METTL6: variants seen among roughly 807,000 people sequenced by gnomAD.
The protein encoded by METTL6 is methyltransferase 6, tRNA N3-cytidine, also known as tRNA N(3)-cytidine methyltransferase METTL6.
METTL6 carries 22 observed loss-of-function variants against 26.4 expected under a neutral mutation model. The ratio of observed to expected loss-of-function variants is 0.83; its 90% CI spans 0.59 to 1.19. METTL6 has a LOEUF of 1.19. METTL6 is among the 50% of genes most tolerant of loss of function. The pLI is 0.00. For missense variants in METTL6, 304 were observed against 324.8 expected, an observed-to-expected ratio of 0.94 and a Z score of 0.49; for synonymous variants, 109 against 116.2, an observed-to-expected ratio of 0.94 and a Z score of 0.40.
rs774698328 is a variant in METTL6 at position 15,413,925 on chromosome 3, C to T, written c.673+96G>A. 2.3e-5 allele frequency: 37 copies of T among 1,586,834 alleles called. No homozygotes were observed. In the South Asian group the frequency reaches 3.8e-4, roughly 16 times the overall value. ...TTGTTTCAGGGTCTCGTGCACATGTCGCAAGCCTTCTCCAAGCAGCCTTGC... is the reference window on the plus strand; with the variant it reads ...TTGTTTCAGGGTCTCGTGCACATGTTGCAAGCCTTCTCCAAGCAGCCTTGC... On this transcript the variant is annotated intron_variant, in intron 5 of 5. Transcript: ENST00000383790.
At chr3:15,415,656 A>G in intron 4 of METTL6, 116 bp downstream of exon 4, 2 of 1,592,680 alleles carry the variant, frequency 1.3e-6, no homozygotes. Context: ...TACACAGCCT[A>G]CCTAGTGAGA....
At chr3:15,415,329 A>G (rs1869853) in intron 4 of METTL6, among the ~76,000 whole-genome samples, 15,026 of 152,268 alleles carry the variant, frequency 0.099, 1,174 homozygotes, top group African/African-American at 0.22. Context: ...ATGATCATAC[A>G]TTAGCTTTTT....
In METTL6 at chr3:15,415,847, A is replaced by T; in HGVS notation, c.456T>A (p.Asp152Glu). 1 of 1,614,202 alleles carries T rather than the reference A, an allele frequency of 6.2e-7. No homozygotes were observed. The highest frequency in any genetic ancestry group is 8.5e-7 in the Non-Finnish European group (1 of 1,180,028). Residue 152 changes from aspartate (D) to glutamate (E), a missense_variant, in exon 4 of 6, where the codon GAT becomes GAA. Transcript: ENST00000383790. ...LLDHVPPESV[D>E]VVMLIFVLSA... ...ACAGCACAAATATCAACATAACAACATCCACAGACTCTGGCGGTACATGAT... is the reference window on the plus strand; with the variant it reads ...ACAGCACAAATATCAACATAACAACTTCCACAGACTCTGGCGGTACATGAT...
chr3:15,415,744 C>T, intron 4 of METTL6, 28 bp downstream of exon 4: 1 of 1,608,998 alleles, frequency 6.2e-7, no homozygotes, highest in East Asian at 2.2e-5. Flanking sequence ...ACTGTCCAAC[C>T]CTCAAGTGCA....
downstream of METTL6, among the ~76,000 whole-genome samples, chr3:15,405,319 G>C (rs1205006059): frequency 6.6e-6 from 1 of 152,246 alleles, no homozygotes; most frequent in Non-Finnish European, 1.5e-5. Flanking sequence ...AGAAGGGAAA[G>C]TAGACTGAAC....
downstream of METTL6, among the ~76,000 whole-genome samples, chr3:15,409,053 A>G (rs935496528): frequency 3.9e-5 from 6 of 152,156 alleles, no homozygotes; most frequent in Non-Finnish European, 8.8e-5. Flanking sequence ...AGCCCCCTAA[A>G]GGTCCACCAT....
chr3:15,389,849 ATTTTTTTT>A (rs58728599), intron 6 of METTL6, among the ~76,000 whole-genome samples: 1 of 132,980 alleles, frequency 7.5e-6, no homozygotes, highest in African/African-American at 2.9e-5. Context: ...CGCCCGGCCA[ATTTTTTTT>A]TTTTTTTTTT....
intron 6 of METTL6, among the ~76,000 whole-genome samples, chr3:15,392,298 T>G (rs1382678487): frequency 6.6e-6 from 1 of 152,226 alleles, no homozygotes; most frequent in East Asian, 1.9e-4. Flanking sequence ...AAATGTCTTC[T>G]TTTGAGAAGT....
chr3:15,409,832 T>G lies in METTL6; in HGVS notation c.*1424A>C, dbSNP rs116074214. The stretch of plus-strand genomic sequence containing the variant: ...GTTTTGAAGAAATACATAACTGAAC[T>G]AAAGGGGAGACCAATGGGCAAATAT... On this transcript the variant is annotated 3_prime_UTR_variant, in exon 6 of 6. Transcript: ENST00000383790. Among the ~76,000 whole-genome samples, 1 of 152,078 alleles carries G rather than the reference T, an allele frequency of 6.6e-6. No individual in the cohort carries two copies. Among genetic ancestry groups the G allele is most frequent in the African/African-American group, 2.4e-5 (1 of 41,398 alleles).
intron 3 of METTL6, among the ~76,000 whole-genome samples, chr3:15,417,556 TA>T (rs1318902168): frequency 6.6e-6 from 1 of 151,878 alleles, no homozygotes; most frequent in African/African-American, 2.4e-5. Context: ...AACGTAGTAA[TA>T]AAACAACATG....
intron 6 of METTL6, among the ~76,000 whole-genome samples, chr3:15,391,167 A>T (rs1699334390): frequency 6.6e-6 from 1 of 152,210 alleles, no homozygotes; most frequent in Non-Finnish European, 1.5e-5. Context: ...AGCCGTTTGT[A>T]TCCCCAATGC....
intron 4 of METTL6, 195 bp from the exon 5 acceptor site, chr3:15,414,357 CTTT>C (rs72324883): frequency 3.4e-3 from 3,744 of 1,107,998 alleles, no homozygotes; most frequent in East Asian, 0.011. Flanking sequence ...TAAGACACTT[CTTT>C]TTTTTTTTTT....
intron 6 of METTL6, among the ~76,000 whole-genome samples, chr3:15,401,186 C>T (rs1313154453): frequency 6.6e-6 from 1 of 151,980 alleles, no homozygotes; most frequent in Admixed American, 6.5e-5. Flanking sequence ...ACTACAGGCG[C>T]CCACCACCAC....
At chr3:15,424,927 C>G (rs1422661809) in intron 3 of METTL6, 28 bp downstream of exon 3, 2 of 1,612,410 alleles carry the variant, frequency 1.2e-6, no homozygotes, top group Non-Finnish European at 8.5e-7. Context: ...AACAGAAACA[C>G]AGCAGAATAC....
At chr3:15,406,761 G>A (rs567918238), downstream of METTL6, among the ~76,000 whole-genome samples, 3 of 149,298 alleles carry the variant, frequency 2.0e-5, no homozygotes, top group African/African-American at 4.9e-5. Flanking sequence ...TCAGCTTCTC[G>A]AGTAGCTGAG....
chr3:15,405,409 A>G (rs188156391), downstream of METTL6, among the ~76,000 whole-genome samples: 220 of 152,296 alleles, frequency 1.4e-3, 1 homozygote, highest in Non-Finnish European at 2.3e-3. Flanking sequence ...GATCTAGAAA[A>G]CACATTTGTA....
Position 15,415,767 on chromosome 3 carries a change from C to G in METTL6, c.531+5G>C, listed in dbSNP as rs1700177622. ...ACCCTCAAGTGCAGGCCCCAAATCA[C>G]TAACCTTGTAAATGTTTTGTAAGAC... is the stretch of plus-strand genomic sequence containing the variant. On this transcript the variant is annotated splice_donor_5th_base_variant and intron_variant, in intron 4 of 5. Coordinates refer to ENST00000383790, the MANE Select transcript of METTL6 (RefSeq NM_152396.4). 6.2e-7 allele frequency: 1 copy of G among 1,612,806 alleles called. No homozygotes were observed. The highest frequency in any genetic ancestry group is 8.5e-7 in the Non-Finnish European group (1 of 1,179,436).
rs112504345 is a variant in METTL6, at chr3:15,410,935, C to T, written c.*321G>A. 4.2e-3 allele frequency: 898 copies of T among 213,932 alleles called. 7 individuals carry two copies. The highest frequency in any genetic ancestry group is 0.018 in the African/African-American group (788 of 43,412). The allele number at this position is 213,932 out of a possible 1,614,324, so 13.3% of individuals were successfully genotyped here. On this transcript the variant is annotated 3_prime_UTR_variant, in exon 6 of 6. Coordinates refer to ENST00000383790, the MANE Select transcript of METTL6 (RefSeq NM_152396.4). Reference sequence around the variant, plus strand: ...TGAAACAGGGTCTCACTCTGTCGCCCAGGCTGGAGTGCAATGGCATGATCT... The same window carrying T: ...TGAAACAGGGTCTCACTCTGTCGCCTAGGCTGGAGTGCAATGGCATGATCT...
chr3:15,393,932 C>T (rs1171842462), intron 6 of METTL6, among the ~76,000 whole-genome samples: 1 of 152,212 alleles, frequency 6.6e-6, no homozygotes, highest in Non-Finnish European at 1.5e-5. Flanking sequence ...CATCGATGTT[C>T]ATCAGGGATA....
Sources: allele counts gnomAD v4.1 joint callset (sites outside exome capture counted in the v4.1 genomes callset), GRCh38; gene constraint gnomAD v4.1.1; transcripts MANE v1.5; gene names NCBI Gene and HGNC (gene_info 2026-07-23, HGNC 2026-07-21).